The following NRXN1 variants were observed in gnomAD, a reference collection of about 807,000 sequenced individuals.
The protein encoded by NRXN1 is neurexin 1.
Under a neutral mutation model 150.9 loss-of-function variants are expected in NRXN1, and 39 were observed. The observed-to-expected ratio is 0.26, with a 90% CI of 0.20 to 0.34. The LOEUF (loss-of-function observed/expected upper bound fraction) is 0.34, where lower values mean the gene tolerates loss of function less well. Among genes scored for constraint, NRXN1 ranks in the 10% least tolerant of loss-of-function variants. NRXN1 has a pLI of 1.00. For synonymous variants in NRXN1, 924 were observed against 757.0 expected, an observed-to-expected ratio of 1.22 and a Z score of -3.62; for missense variants, 1,815 against 1,949.9, an observed-to-expected ratio of 0.93 and a Z score of 1.30.
chr2:50,952,241 C>G (rs1249910717), intron 2 of NRXN1, among the ~76,000 whole-genome samples: 1 of 151,934 alleles, frequency 6.6e-6, no homozygotes, highest in Non-Finnish European at 1.5e-5. Context: ...GCTGGGATTA[C>G]AGGCGTGAGC....
Position 50,503,428 on chromosome 2 carries a change from T to C in NRXN1, c.2497+3067A>G, listed in dbSNP as rs373677324. Reference sequence around the variant, plus strand: ...TTAATGAAACTCACACTGGCAAAAATTGAAAAACATTTGCGCACCAAAATC... The same window carrying C: ...TTAATGAAACTCACACTGGCAAAAACTGAAAAACATTTGCGCACCAAAATC... On this transcript the variant is annotated intron_variant, in intron 13 of 22. Coordinates refer to ENST00000401669, the MANE Select transcript of NRXN1 (RefSeq NM_001330078.2). 5.7e-4 allele frequency among the ~76,000 whole-genome samples: 86 copies of C among 150,434 alleles called. 8 individuals are homozygous for C. Among genetic ancestry groups the C allele is most frequent in the Admixed American group, 2.6e-3 (39 of 15,158 alleles).
chr2:50,181,557 C>A (rs538261935), intron 18 of NRXN1, among the ~76,000 whole-genome samples: 4 of 152,050 alleles, frequency 2.6e-5, no homozygotes, highest in African/African-American at 7.2e-5. Flanking sequence ...TAAAGCAATT[C>A]ATTGCCTTGC....
At chr2:50,566,290 C>G (rs35310871) in intron 8 of NRXN1, among the ~76,000 whole-genome samples, 13,689 of 152,100 alleles carry the variant, frequency 0.09, 846 homozygotes, top group African/African-American at 0.17. Flanking sequence ...TGCACCCAGG[C>G]TGGAGTACAG....
intron 6 of NRXN1, among the ~76,000 whole-genome samples, chr2:50,622,564 C>T (rs769390722): frequency 1.3e-5 from 2 of 152,074 alleles, no homozygotes; most frequent in Non-Finnish European, 1.5e-5. Context: ...CATTTTCATT[C>T]GTATATATAC....
At chr2:50,987,474 T>C (rs905872313) in intron 2 of NRXN1, among the ~76,000 whole-genome samples, 4 of 151,872 alleles carry the variant, frequency 2.6e-5, no homozygotes, top group African/African-American at 7.2e-5. Flanking sequence ...TTTGAACAAT[T>C]AATGCTCCTA....
chr2:50,104,957 C>G (rs1229657249), intron 18 of NRXN1, among the ~76,000 whole-genome samples: 1 of 152,024 alleles, frequency 6.6e-6, no homozygotes, highest in Non-Finnish European at 1.5e-5. Flanking sequence ...ATTTTGCCAG[C>G]CTACCAATCT....
chr2:50,198,720 T>G (rs1406582620), intron 18 of NRXN1, among the ~76,000 whole-genome samples: 2 of 152,088 alleles, frequency 1.3e-5, no homozygotes, highest in Non-Finnish European at 2.9e-5. Flanking sequence ...AAAACCCCAT[T>G]CTAGATTATC....
intron 17 of NRXN1, among the ~76,000 whole-genome samples, chr2:50,454,473 C>G (rs1573036329): frequency 6.6e-6 from 1 of 152,064 alleles, no homozygotes. Context: ...TATACACATA[C>G]ACACTCACAT....
intron 17 of NRXN1, among the ~76,000 whole-genome samples, chr2:50,391,675 C>A (rs1439279186): frequency 1.3e-5 from 2 of 152,192 alleles, no homozygotes; most frequent in East Asian, 3.9e-4. Context: ...GATAGGCTGG[C>A]TTTTAGCAAA....
intron 17 of NRXN1, among the ~76,000 whole-genome samples, chr2:50,247,014 A>C (rs1365208550): frequency 6.6e-6 from 1 of 152,110 alleles, no homozygotes; most frequent in Non-Finnish European, 1.5e-5. Flanking sequence ...TCAATGATGA[A>C]TACCATAAGA....
intron 5 of NRXN1, among the ~76,000 whole-genome samples, chr2:50,805,776 A>T (rs1667431924): frequency 6.6e-6 from 1 of 152,338 alleles, no homozygotes; most frequent in South Asian, 2.1e-4. Context: ...AGAAATATTT[A>T]TGTTTCAAAT....
intron 17 of NRXN1, among the ~76,000 whole-genome samples, chr2:50,308,613 C>G (rs1485780681): frequency 1.3e-5 from 2 of 152,138 alleles, no homozygotes; most frequent in Non-Finnish European, 2.9e-5. Flanking sequence ...CTCAGCCTCC[C>G]AAGTCTTCAG....
intron 17 of NRXN1, among the ~76,000 whole-genome samples, chr2:50,350,546 G>A (rs979025163): frequency 3.3e-5 from 5 of 152,210 alleles, no homozygotes; most frequent in Admixed American, 6.5e-5. Flanking sequence ...GATCATCAAA[G>A]TGCCAGGGCT....
intron 12 of NRXN1, among the ~76,000 whole-genome samples, chr2:50,515,600 G>GGGGGGTGTGTGTGTGT (rs952552460): frequency 1.4e-5 from 2 of 143,426 alleles, no homozygotes; most frequent in African/African-American, 5.2e-5. Flanking sequence ...AAATGCTTGG[G>GGGGGGTGTGTGTGTGT]GTGTGTGTGT....
intron 18 of NRXN1, among the ~76,000 whole-genome samples, chr2:50,214,392 C>T (rs1418881780): frequency 2.6e-5 from 4 of 152,006 alleles, no homozygotes; most frequent in African/African-American, 7.2e-5. Flanking sequence ...TAAATATTTT[C>T]GGTTCCTTCT....
intron 8 of NRXN1, among the ~76,000 whole-genome samples, chr2:50,597,996 G>A (rs1480960641): frequency 5.9e-5 from 9 of 152,076 alleles, no homozygotes; most frequent in South Asian, 2.1e-4. Context: ...AAAATTACCC[G>A]GGCATGGTGG....
chr2:50,666,322 A>G (rs960568485), intron 5 of NRXN1, among the ~76,000 whole-genome samples: 17 of 151,928 alleles, frequency 1.1e-4, no homozygotes, highest in African/African-American at 4.1e-4. Context: ...TTTGTCTTTT[A>G]CAATTAAAGC....
At chr2:50,480,192 T>A (rs1440526249) in intron 15 of NRXN1, among the ~76,000 whole-genome samples, 1 of 152,186 alleles carries the variant, frequency 6.6e-6, no homozygotes, top group Non-Finnish European at 1.5e-5. Flanking sequence ...ACATGACCAG[T>A]TTTAACTGAC....
intron 5 of NRXN1, among the ~76,000 whole-genome samples, chr2:50,834,983 A>C (rs1671911420): frequency 6.6e-6 from 1 of 152,138 alleles, no homozygotes; most frequent in Admixed American, 6.5e-5. Flanking sequence ...CCAGACTATT[A>C]GATTTGTCTT....
Sources: allele counts gnomAD v4.1 joint callset (sites outside exome capture counted in the v4.1 genomes callset), GRCh38; gene constraint gnomAD v4.1.1; transcripts MANE v1.5; gene names NCBI Gene and HGNC (gene_info 2026-07-23, HGNC 2026-07-21).